FMN1: variants seen among roughly 807,000 people sequenced by gnomAD.
The protein encoded by FMN1 is formin-1.
FMN1 carries 110 observed loss-of-function variants against 132.4 expected under a neutral mutation model. That is an observed-to-expected ratio of 0.83 (90% CI 0.71 to 0.97). FMN1 has a LOEUF of 0.97. Ranked by LOEUF, FMN1 falls within the 50% of genes least tolerant of loss-of-function variation. The pLI is 0.00. For missense variants in FMN1, 1,792 were observed against 1,705.3 expected (o/e 1.05, Z -0.90); for synonymous variants, 722 against 651.7 (o/e 1.11, Z -1.64).
At chr15:33,019,921 C>T (rs1260821102) in intron 6 of FMN1, among the ~76,000 whole-genome samples, 1 of 152,224 alleles carries the variant, frequency 6.6e-6, no homozygotes, top group Non-Finnish European at 1.5e-5. Context: ...AGAAGGGCTC[C>T]CACGGGTGCA....
chr15:33,121,372 T>C (rs548019953), intron 4 of FMN1, among the ~76,000 whole-genome samples: 1 of 151,894 alleles, frequency 6.6e-6, no homozygotes, highest in South Asian at 2.1e-4. Flanking sequence ...GTCAATATTG[T>C]TTACAATGTT....
intron 6 of FMN1, among the ~76,000 whole-genome samples, chr15:33,044,578 C>T (rs1434124599): frequency 7.2e-5 from 11 of 152,014 alleles, no homozygotes; most frequent in Admixed American, 2.6e-4. Context: ...GACCTGCCTG[C>T]GGAGAGGAAC....
At position 32,773,394 on chromosome 15, in the gene FMN1, A is replaced by C. The variant is rs2056312428; in HGVS notation, c.*916T>G. On this transcript the variant is annotated 3_prime_UTR_variant, in exon 21 of 21. Transcript: ENST00000616417. ...TCGTCCAGCTGCACAGTCACAGCAC[A>C]TAACGTAGAACTCGGCTGCGTATCA... 6.6e-6 allele frequency: 1 copy of C among 152,222 alleles called. No homozygotes were observed. Among genetic ancestry groups the C allele is most frequent in the African/African-American group, 2.4e-5 (1 of 41,436 alleles). 9.4% of individuals were successfully genotyped at this position (152,222 alleles called of 1,614,324 possible). A position where few individuals can be genotyped will look rare whatever the true frequency, so the allele number is the denominator to read the frequency against.
chr15:32,949,962 TATACACACATATATATACACACAC>T (rs2061595114), intron 9 of FMN1, among the ~76,000 whole-genome samples: 7 of 42,602 alleles, frequency 1.6e-4, no homozygotes, highest in African/African-American at 1.1e-3. Flanking sequence ...TATATATATA[TATACACACATATATATACACACAC>T]ATATATATAC....
At chr15:33,128,270 A>C (rs1963309672) in intron 4 of FMN1, among the ~76,000 whole-genome samples, 1 of 152,170 alleles carries the variant, frequency 6.6e-6, no homozygotes, top group Non-Finnish European at 1.5e-5. Flanking sequence ...CAATAATTAG[A>C]AGCGCAACAG....
At chr15:32,841,539 G>T (rs2058745631) in intron 17 of FMN1, among the ~76,000 whole-genome samples, 1 of 152,126 alleles carries the variant, frequency 6.6e-6, no homozygotes, top group African/African-American at 2.4e-5. Context: ...CTCCATCTCA[G>T]AAGAAGCGGA....
chr15:32,865,138 T>TTAA (rs2059363594), intron 16 of FMN1, among the ~76,000 whole-genome samples: 1 of 150,800 alleles, frequency 6.6e-6, no homozygotes, highest in South Asian at 2.1e-4. Context: ...GCTAAGGGGG[T>TTAA]AAGGGAGAAA....
intron 6 of FMN1, among the ~76,000 whole-genome samples, chr15:33,048,452 T>C (rs1220352404): frequency 1.3e-5 from 2 of 151,686 alleles, no homozygotes; most frequent in Non-Finnish European, 2.9e-5. Context: ...TCTTTGTAAG[T>C]TGTGAAAGGA....
At chr15:32,818,895 T>C (rs1045286932) in intron 17 of FMN1, among the ~76,000 whole-genome samples, 21 of 150,866 alleles carry the variant, frequency 1.4e-4, no homozygotes, top group Admixed American at 1.1e-3. Flanking sequence ...CTGAAGCTAA[T>C]TGTACAAGTG....
intron 4 of FMN1, among the ~76,000 whole-genome samples, chr15:33,114,447 A>G (rs1177511420): frequency 6.6e-6 from 1 of 152,264 alleles, no homozygotes; most frequent in Non-Finnish European, 1.5e-5. Context: ...TAAGTGTTGA[A>G]CATGGAATGT....
At chr15:32,955,810 C>CGTGTGTGTGT (rs71682708) in intron 9 of FMN1, among the ~76,000 whole-genome samples, 4 of 150,102 alleles carry the variant, frequency 2.7e-5, no homozygotes, top group African/African-American at 9.7e-5. Context: ...TGTGCGTGTG[C>CGTGTGTGTGT]GTGTGTGTGT....
chr15:33,031,683 T>TA, intron 6 of FMN1, among the ~76,000 whole-genome samples: 1 of 152,316 alleles, frequency 6.6e-6, no homozygotes, highest in East Asian at 1.9e-4. Context: ...CATCAGGTGA[T>TA]ACAGCCTCAG....
At chr15:32,981,251 G>A (rs923099767) in intron 7 of FMN1, among the ~76,000 whole-genome samples, 10 of 152,112 alleles carry the variant, frequency 6.6e-5, no homozygotes, top group African/African-American at 2.4e-4. Flanking sequence ...CAGCACTTTG[G>A]GAGGCGGAGG....
At position 33,167,784 on chromosome 15, in the gene FMN1, G is replaced by A. The variant is rs533577304; in HGVS notation, c.-132+12414C>T. 1.1e-4 allele frequency among the ~76,000 whole-genome samples: 16 copies of A among 152,234 alleles called. No homozygotes were observed. In the East Asian group the frequency reaches 3.1e-3, roughly 29 times the overall value. ...GAAGATGTCATTAAGAAAATCACAA[G>A]GAAGGGAAAACATATTTATTCTTTA... is the stretch of plus-strand genomic sequence containing the variant. On this transcript the variant is annotated intron_variant, in intron 3 of 20. Transcript: ENST00000616417.
chr15:33,096,137 C>CCTATCATCAAAAGGAAGAAACAAGCTGAT (rs1423443373), intron 4 of FMN1, among the ~76,000 whole-genome samples: 1 of 152,066 alleles, frequency 6.6e-6, no homozygotes, highest in African/African-American at 2.4e-5. Flanking sequence ...TTATTTCATT[C>CCTATCATCAAAAGGAAGAAACAAGCTGAT]CTATCATCAA....
chr15:32,926,114 A>G (rs760839338), intron 10 of FMN1, 60 bp downstream of exon 10: 28 of 901,880 alleles, frequency 3.1e-5, no homozygotes, highest in Middle Eastern at 2.6e-4. Flanking sequence ...GACATTCTTC[A>G]GAATGAAATG....
chr15:33,003,415 G>A (rs904057641), intron 7 of FMN1, among the ~76,000 whole-genome samples: 4 of 151,040 alleles, frequency 2.6e-5, no homozygotes, highest in African/African-American at 9.9e-5. Context: ...AACAGACAGA[G>A]AGCCAAATCA....
chr15:32,865,141 G>A (rs2059363699), intron 16 of FMN1, among the ~76,000 whole-genome samples: 1 of 152,124 alleles, frequency 6.6e-6, no homozygotes, highest in African/African-American at 2.4e-5. Context: ...AAGGGGGTAA[G>A]GGAGAAAAGT....
intron 3 of FMN1, among the ~76,000 whole-genome samples, chr15:33,156,339 G>A (rs560435600): frequency 1.4e-5 from 2 of 145,718 alleles, no homozygotes; most frequent in South Asian, 4.5e-4. Context: ...GGAGTACAGT[G>A]GTGCAAACAT....
Sources: allele counts gnomAD v4.1 joint callset (sites outside exome capture counted in the v4.1 genomes callset), GRCh38; gene constraint gnomAD v4.1.1; transcripts MANE v1.5; gene names NCBI Gene and HGNC (gene_info 2026-07-23, HGNC 2026-07-21).